The following ARAP1 variants were observed in gnomAD, a reference collection of about 807,000 sequenced individuals.
ARAP1 encodes the protein ArfGAP with RhoGAP domain, ankyrin repeat and PH domain 1.
ARAP1 carries 76 observed loss-of-function variants against 172.2 expected under a neutral mutation model. The observed-to-expected ratio is 0.44, with a 90% confidence interval of 0.37 to 0.53. The LOEUF is 0.53. Ranked by LOEUF, ARAP1 falls within the 20% of genes least tolerant of loss-of-function variation. ARAP1 has a pLI of 0.00. For missense variants in ARAP1, 1,686 were observed against 1,977.5 expected (o/e 0.85, Z 2.80); for synonymous variants, 804 against 803.3 (o/e 1.00, Z -0.01).
chr11:72,697,701 C>A lies in ARAP1; in HGVS notation c.2738-52G>T, dbSNP rs370176621. 165 of 1,607,820 alleles carry A rather than the reference C, an allele frequency of 1.0e-4. No individual in the cohort carries two copies. The African/African-American group carries it at 2.1e-3, about 20-fold the overall frequency. ...CCCAGGTCTTGCTCCTGATCCCCAA[C>A]CTGCTCCCTCCCTCTGTGAGCACAC... On this transcript the variant is annotated intron_variant, in intron 19 of 34. Coordinates refer to ENST00000393609, the MANE Select transcript of ARAP1 (RefSeq NM_001040118.3).
In ARAP1 at chr11:72,712,156, C is replaced by G. The variant is rs774633103; in HGVS notation, c.1022+40G>C. On this transcript the variant is annotated intron_variant, in intron 7 of 34. Coordinates refer to ENST00000393609, the MANE Select transcript of ARAP1 (RefSeq NM_001040118.3). ...GGTCCTGGACACTGCCCCCCACCCCCCCATGCAGAGCACAGCAGGACCCAA... is the reference window on the plus strand; with the variant it reads ...GGTCCTGGACACTGCCCCCCACCCCGCCATGCAGAGCACAGCAGGACCCAA... 7.2e-6 allele frequency: 11 copies of G among 1,529,646 alleles called. No homozygotes were observed. The African/African-American group carries it at 1.5e-4, about 21-fold the overall frequency. 94.8% of individuals were successfully genotyped at this position (1,529,646 alleles called of 1,614,324 possible).
chr11:72,720,859 A>G (rs1857479780), intron 3 of ARAP1, among the ~76,000 whole-genome samples: 1 of 151,608 alleles, frequency 6.6e-6, no homozygotes, highest in Non-Finnish European at 1.5e-5. Flanking sequence ...CTCTAAGCCC[A>G]CACAACCTGT....
intron 2 of ARAP1, 121 bp from the exon 3 acceptor site, chr11:72,727,293 T>G: frequency 1.2e-6 from 1 of 832,206 alleles, no homozygotes; most frequent in Non-Finnish European, 1.8e-6. Context: ...CTTCCTCCCC[T>G]GTGCTCCATG....
intron 7 of ARAP1, among the ~76,000 whole-genome samples, 200 bp from the exon 8 acceptor site, chr11:72,711,699 T>TTG (rs1857018535): frequency 6.8e-6 from 1 of 148,002 alleles, no homozygotes; most frequent in Non-Finnish European, 1.5e-5. Flanking sequence ...CATCTCTTTT[T>TTG]TTTTTTTTTT....
intron 1 of ARAP1, among the ~76,000 whole-genome samples, chr11:72,750,423 G>C: frequency 6.6e-6 from 1 of 152,112 alleles, no homozygotes; most frequent in South Asian, 2.1e-4. Context: ...AAAATGGAAG[G>C]GACTCCCCAC....
chr11:72,716,605 C>T (rs1287803394), intron 3 of ARAP1, among the ~76,000 whole-genome samples: 1 of 152,274 alleles, frequency 6.6e-6, no homozygotes, highest in Non-Finnish European at 1.5e-5. Context: ...ACATCGCACA[C>T]AGGGAGTTGA....
At chr11:72,732,014 A>G (rs1857882565) in intron 2 of ARAP1, among the ~76,000 whole-genome samples, 1 of 152,240 alleles carries the variant, frequency 6.6e-6, no homozygotes, top group South Asian at 2.1e-4. Flanking sequence ...TATGTTATAT[A>G]TATATGCAAA....
At chr11:72,701,546 G>A (rs750377435) in intron 16 of ARAP1, 103 bp downstream of exon 16, 10 of 1,464,774 alleles carry the variant, frequency 6.8e-6, no homozygotes, top group African/African-American at 1.4e-5. Context: ...GCCCTCTAGG[G>A]TGACTCTGCC....
intron 30 of ARAP1, chr11:72,689,557 G>C (rs974503118): frequency 8.5e-5 from 13 of 152,612 alleles, no homozygotes; most frequent in African/African-American, 3.1e-4. Flanking sequence ...GGACAGCCAG[G>C]GGAAGGGGAA....
rs1180289560 is a variant in ARAP1 at position 72,693,489 on chromosome 11, G to A, written c.3809-19C>T. On this transcript the variant is annotated intron_variant, in intron 28 of 34. Transcript: ENST00000393609. This position sits in a 1 kb window ranked among gnomAD's most constrained non-coding sequence, Gnocchi z 4.6. ...CGGCTGGCTGGGGGGTGGGACTGGA[G>A]TGGGCACAGGCTGCACCAACCCCTA... 1 of 1,609,462 alleles carries A rather than the reference G, an allele frequency of 6.2e-7. No homozygotes were observed. The highest frequency in any genetic ancestry group is 2.2e-5 in the East Asian group (1 of 44,806).
intron 29 of ARAP1, 188 bp from the exon 30 acceptor site, chr11:72,692,973 G>GGCATATGACATACGATATGACAAGGCAT: frequency 1.4e-6 from 1 of 732,800 alleles, no homozygotes; most frequent in South Asian, 1.7e-5. Flanking sequence ...TGGCCCGGGA[G>GGCATATGACATACGATATGACAAGGCAT]GCATATGACA....
rs752313641 is a variant in ARAP1 at position 72,711,050 on chromosome 11, C to A, written c.1184G>T (p.Arg395Leu). The A allele has an allele frequency of 6.2e-7, 1 of 1,614,102 alleles. No homozygotes were observed. The highest frequency in any genetic ancestry group is 2.2e-5 in the East Asian group (1 of 44,892). Residue 395 changes from arginine to leucine, a missense_variant, in exon 9 of 35, where the codon CGA (arginine) becomes CTA (leucine). Physicochemically the swap from Arg to Leu is moderately radical, Grantham distance 102. Around this residue, in one of 5 missense-constraint regions of ARAP1, gnomAD observed 688 missense variants for 856.9 expected, o/e 0.80. Coordinates refer to ENST00000393609, the MANE Select transcript of ARAP1 (RefSeq NM_001040118.3). ...ACTCTCTGCCCGGAAGGCAAAGGTT[C>A]GGTTGTTTGTGATCACTTCAAACTT... ...DQKFEVITNN[R>L]TFAFRAESDV...
At chr11:72,711,162 A>G (rs374341174) in intron 8 of ARAP1, 21 bp from the exon 9 acceptor site, 42 of 1,613,704 alleles carry the variant, frequency 2.6e-5, no homozygotes, top group Non-Finnish European at 3.1e-5. Context: ...GACAGGAACT[A>G]TATTTTGGGA....
At chr11:72,717,440 G>A (rs527728056) in intron 3 of ARAP1, among the ~76,000 whole-genome samples, 1 of 152,300 alleles carries the variant, frequency 6.6e-6, no homozygotes, top group Non-Finnish European at 1.5e-5. Flanking sequence ...CTGAGGGGAA[G>A]GTGGTAACCA....
rs1464448143 is a variant in ARAP1 at position 72,711,416 on chromosome 11, G to A, written c.1092+14C>T. The A allele has an allele frequency of 1.2e-6, 2 of 1,611,056 alleles. No homozygotes were observed. Among genetic ancestry groups the A allele is most frequent in the Non-Finnish European group, 1.7e-6 (2 of 1,177,482 alleles). On this transcript the variant is annotated intron_variant, in intron 8 of 34. Transcript: ENST00000393609. ...CTGGAGCAGGGGTCGCGTCAGGACT[G>A]ATGCAGGCCTCACCTTGTTACTGTC...
At position 72,693,950 on chromosome 11, in the gene ARAP1, C is replaced by A; in HGVS notation, c.3695-145G>T. Reference sequence around the variant, plus strand: ...CGACACAAAACACCACCATCATGACCACCCTTCCCATGACCAAGCTTCAGG... The same window carrying A: ...CGACACAAAACACCACCATCATGACAACCCTTCCCATGACCAAGCTTCAGG... On this transcript the variant is annotated intron_variant, in intron 27 of 34. Coordinates refer to ENST00000393609, the MANE Select transcript of ARAP1 (RefSeq NM_001040118.3). The surrounding 1 kb of genome is among the most constrained non-coding windows in gnomAD (Gnocchi z 4.6). 1.6e-6 allele frequency: 1 copy of A among 642,064 alleles called. No homozygotes were observed. Among genetic ancestry groups the A allele is most frequent in the Non-Finnish European group, 2.6e-6 (1 of 378,332 alleles). The allele number at this position is 642,064 out of a possible 1,614,324, so 39.8% of individuals were successfully genotyped here. A position where few individuals can be genotyped will look rare whatever the true frequency, so the allele number is the denominator to read the frequency against.
intron 3 of ARAP1, among the ~76,000 whole-genome samples, chr11:72,718,255 G>A (rs1194771954): frequency 1.3e-5 from 2 of 152,002 alleles, no homozygotes; most frequent in East Asian, 1.9e-4. Context: ...AAAACCCCAG[G>A]GAAAAGGCAG....
chr11:72,702,207 G>T (rs546680041), intron 15 of ARAP1, among the ~76,000 whole-genome samples: 11 of 152,226 alleles, frequency 7.2e-5, no homozygotes, highest in African/African-American at 2.7e-4. Flanking sequence ...CAGCGCCGTG[G>T]GGGGGCGGTG....
chr11:72,688,544 T>C lies in ARAP1; in HGVS notation c.3988-7A>G, dbSNP rs1253237144. On this transcript the variant is annotated splice_polypyrimidine_tract_variant and splice_region_variant and intron_variant, in intron 30 of 34. Transcript: ENST00000393609. ...CCTTCTCAGGCCGGTGACTCTGAGG[T>C]AGGGCAAGGAGAAGAGGGCACTTTA... is the stretch of plus-strand genomic sequence containing the variant. The C allele has an allele frequency of 2.5e-6, 4 of 1,610,202 alleles. No homozygotes were observed. The highest frequency in any genetic ancestry group is 2.5e-6 in the Non-Finnish European group (3 of 1,178,234).
Sources: gnomAD v4.1 joint callset for allele counts (sites outside exome capture counted in the v4.1 genomes callset) on GRCh38, gnomAD v4.1.1 for gene constraint, gnomAD v4.1.1 regional missense constraint, Gnocchi (gnomAD v3.1) non-coding constraint, MANE v1.5 for transcripts, NCBI Gene and HGNC (gene_info 2026-07-23, HGNC 2026-07-21) for gene names.